Variants in CCND3 observed in about 807,000 individuals in gnomAD.
CCND3 encodes cyclin D3, also known as G1/S-specific cyclin-D3.
Under a neutral mutation model 28.7 loss-of-function variants are expected in CCND3, and 9 were observed. The observed-to-expected ratio is 0.31, with a 90% CI of 0.19 to 0.55. The LOEUF is 0.55. CCND3 is among the 20% of genes least tolerant of loss of function. CCND3 has a pLI of 0.93. For synonymous variants in CCND3, 164 were observed against 163.9 expected, an observed-to-expected ratio of 1.00 and a Z score of 0.00; for missense variants, 315 against 385.8, an observed-to-expected ratio of 0.82 and a Z score of 1.54.
chr6:41,959,043 G>C (rs147334900), intron 1 of CCND3, among the ~76,000 whole-genome samples: 1 of 152,012 alleles, frequency 6.6e-6, no homozygotes, highest in Non-Finnish European at 1.5e-5. Context: ...GGCCGGGCAC[G>C]GTGGCTCACG....
Position 41,941,775 on chromosome 6 carries a change from C to T in CCND3, c.-126G>A, listed in dbSNP as rs1352490189. The T allele has an allele frequency of 6.7e-5, 27 of 405,480 alleles. No individual in the cohort carries two copies. The highest frequency in any genetic ancestry group is 8.4e-5 in the Non-Finnish European group (26 of 310,958). The allele number at this position is 405,480 out of a possible 1,614,324, so 25.1% of individuals were successfully genotyped here. A position where few individuals can be genotyped will look rare whatever the true frequency, so the allele number is the denominator to read the frequency against. ...CACTGCGCGGCGGATCCCCAGCCCG[C>T]CCGCCGCCCGCGCGCGCGCGCCGCT... On this transcript the variant is annotated 5_prime_UTR_variant, in exon 1 of 5. Transcript: ENST00000372991. This position sits in a 1 kb window ranked among gnomAD's most constrained non-coding sequence, Gnocchi z 6.1.
intron 1 of CCND3, among the ~76,000 whole-genome samples, chr6:42,042,913 G>A (rs1348457086): frequency 2.0e-5 from 3 of 152,212 alleles, no homozygotes; most frequent in South Asian, 2.1e-4. Flanking sequence ...GCTAGGACTC[G>A]AAGTGGGGTC....
Position 41,941,415 on chromosome 6 carries a change from G to A in CCND3, c.198+37C>T, listed in dbSNP as rs200538938. ...GGGCGGCCCCGGTGTGTCCAGACCC[G>A]GGAGCGGTGGGGGAGGGGGACGCGT... On this transcript the variant is annotated intron_variant, in intron 1 of 4. Coordinates refer to ENST00000372991, the MANE Select transcript of CCND3 (RefSeq NM_001760.5). This position sits in a 1 kb window ranked among gnomAD's most constrained non-coding sequence, Gnocchi z 6.1. 159 of 1,601,168 alleles carry A rather than the reference G, an allele frequency of 9.9e-5. No homozygotes were observed. Among genetic ancestry groups the A allele is most frequent in the Non-Finnish European group, 1.3e-4 (155 of 1,176,050 alleles).
intron 1 of CCND3, among the ~76,000 whole-genome samples, chr6:41,966,404 G>A (rs1236333148): frequency 6.6e-6 from 1 of 152,024 alleles, no homozygotes; most frequent in Non-Finnish European, 1.5e-5. Flanking sequence ...CTGGGCGACA[G>A]TGAAACCCTG....
At chr6:41,982,600 G>A (rs910941089) in intron 1 of CCND3, among the ~76,000 whole-genome samples, 3 of 152,112 alleles carry the variant, frequency 2.0e-5, no homozygotes, top group South Asian at 2.1e-4. Flanking sequence ...TATATTGAGA[G>A]GCAAAAGACC....
At chr6:41,985,438 C>T (rs933817319) in intron 1 of CCND3, among the ~76,000 whole-genome samples, 9 of 151,422 alleles carry the variant, frequency 5.9e-5, no homozygotes, top group Non-Finnish European at 1.0e-4. Flanking sequence ...CTCAGCCTTC[C>T]GAGCAGCTGG....
intron 1 of CCND3, among the ~76,000 whole-genome samples, chr6:42,028,332 G>A (rs1763940969): frequency 6.6e-6 from 1 of 152,202 alleles, no homozygotes; most frequent in Admixed American, 6.5e-5. Context: ...GACATCAGGG[G>A]AGAGAGAGGA....
At chr6:42,046,937 C>G (rs891626340) in intron 1 of CCND3, among the ~76,000 whole-genome samples, 2 of 152,192 alleles carry the variant, frequency 1.3e-5, no homozygotes. Flanking sequence ...CCCAGCTCTG[C>G]CATTTGTTTC....
chr6:41,968,657 A>G (rs1254260029), intron 1 of CCND3, among the ~76,000 whole-genome samples: 1 of 152,194 alleles, frequency 6.6e-6, no homozygotes, highest in East Asian at 1.9e-4. Flanking sequence ...CACAAATAGT[A>G]TGTTACCTTT....
intron 1 of CCND3, among the ~76,000 whole-genome samples, chr6:42,021,158 T>C (rs921935240): frequency 2.6e-5 from 4 of 152,256 alleles, no homozygotes; most frequent in Non-Finnish European, 4.4e-5. Context: ...TTACAATATA[T>C]AACTGTTCTG....
chr6:41,959,500 T>A (rs1464924260), intron 1 of CCND3, among the ~76,000 whole-genome samples: 1 of 151,412 alleles, frequency 6.6e-6, no homozygotes, highest in South Asian at 2.1e-4. Flanking sequence ...CTGGCCAACA[T>A]GGTGAAACCC....
At chr6:42,024,032 T>G (rs1013278710) in intron 1 of CCND3, among the ~76,000 whole-genome samples, 3 of 152,124 alleles carry the variant, frequency 2.0e-5, no homozygotes, top group African/African-American at 7.2e-5. Context: ...CATGTAATCC[T>G]CCTAATAGCC....
chr6:41,978,361 G>C (rs1354919927), intron 1 of CCND3, among the ~76,000 whole-genome samples: 1 of 134,068 alleles, frequency 7.5e-6, no homozygotes, highest in African/African-American at 2.7e-5. Flanking sequence ...AACAGAGCGA[G>C]ACTCCATCTC....
At chr6:42,003,212 C>T (rs10948001) in intron 1 of CCND3, among the ~76,000 whole-genome samples, 420 of 56,928 alleles carry the variant, frequency 7.4e-3, no homozygotes, top group Non-Finnish European at 0.012. Flanking sequence ...AAGCACAGAA[C>T]TTATGAAGTT....
chr6:41,949,385 A>G (rs899740850), intron 1 of CCND3, among the ~76,000 whole-genome samples: 2 of 152,124 alleles, frequency 1.3e-5, no homozygotes, highest in African/African-American at 4.8e-5. Flanking sequence ...CACGCCTGTA[A>G]TCCCAGCTAC....
In CCND3 at chr6:42,044,783, T is replaced by TTTTATTTA. The variant is rs70987565; in HGVS notation, c.-46+3710_-46+3717dup. 9.4e-3 allele frequency among the ~76,000 whole-genome samples: 1,344 copies of TTTTATTTA among 143,130 alleles called. 16 individuals carry two copies. Among genetic ancestry groups the TTTTATTTA allele is most frequent in the Non-Finnish European group, 0.012 (810 of 65,826 alleles). The allele number at this position is 143,130 out of a possible 152,430, so 93.9% of individuals were successfully genotyped here. On this transcript the variant is annotated intron_variant, in intron 1 of 4. Transcript: ENST00000372988. ...TCTTTTCTTTCTTTTCTTTCTTTCCTTTTATTTATTTATTTATTTATTTGA... is the reference window on the plus strand; with the variant it reads ...TCTTTTCTTTCTTTTCTTTCTTTCCTTTTATTTATTTATTTATTTATTTATTTATTTGA...
intron 1 of CCND3, among the ~76,000 whole-genome samples, chr6:42,008,830 T>C (rs191883861): frequency 2.6e-5 from 4 of 152,182 alleles, no homozygotes; most frequent in Admixed American, 2.6e-4. Context: ...CACCACTGCC[T>C]AACATTCCAC....
chr6:41,992,997 C>T (rs181252155), intron 1 of CCND3, among the ~76,000 whole-genome samples: 76 of 152,264 alleles, frequency 5.0e-4, no homozygotes, highest in Middle Eastern at 3.4e-3. Context: ...TAGCCTTGAA[C>T]TCCTGGGCTC....
At chr6:41,947,869 C>G (rs1198953667) in intron 1 of CCND3, among the ~76,000 whole-genome samples, 1 of 152,166 alleles carries the variant, frequency 6.6e-6, no homozygotes, top group East Asian at 1.9e-4. Context: ...TAGTCTCAAC[C>G]CATCACTCTC....
Sources: allele counts gnomAD v4.1 joint callset (sites outside exome capture counted in the v4.1 genomes callset), GRCh38; gene constraint gnomAD v4.1.1; non-coding constraint Gnocchi (gnomAD v3.1); transcripts MANE v1.5; gene names NCBI Gene and HGNC (gene_info 2026-07-23, HGNC 2026-07-21).